CSMD1: variants seen among roughly 807,000 people sequenced by gnomAD.
The protein encoded by CSMD1 is CUB and sushi domain-containing protein 1.
CSMD1 carries 213 observed loss-of-function variants against 417.5 expected under a neutral mutation model. The ratio of observed to expected loss-of-function variants is 0.51; its 90% CI spans 0.46 to 0.57. CSMD1 has a LOEUF of 0.57. CSMD1 is among the 20% of genes least tolerant of loss of function. The probability of loss-of-function intolerance (pLI) is 0.00; values close to 1 mark genes in which losing one functional copy is unlikely to be tolerated. For synonymous variants in CSMD1, 2,862 were observed against 1,736.8 expected (o/e 1.65, Z -16.11); for missense variants, 6,923 against 4,529.7 (o/e 1.53, Z -15.17).
intron 1 of CSMD1, among the ~76,000 whole-genome samples, chr8:4,894,662 G>A (rs934796328): frequency 1.3e-5 from 2 of 151,626 alleles, no homozygotes; most frequent in African/African-American, 4.9e-5. Context: ...ATTTTAATGT[G>A]TTTCATTCTT....
chr8:4,180,582 A>C (rs1193747886), intron 3 of CSMD1, among the ~76,000 whole-genome samples: 1 of 152,064 alleles, frequency 6.6e-6, no homozygotes, highest in Non-Finnish European at 1.5e-5. Context: ...TATAATAATA[A>C]TTAAAAAAAG....
intron 5 of CSMD1, among the ~76,000 whole-genome samples, chr8:3,822,873 G>A (rs1037757437): frequency 2.0e-5 from 3 of 152,076 alleles, no homozygotes; most frequent in Admixed American, 1.3e-4. Context: ...AGAATTTAGT[G>A]TGTCTAAATG....
At chr8:2,952,108 C>A (rs1242690273) in intron 65 of CSMD1, among the ~76,000 whole-genome samples, 1 of 152,150 alleles carries the variant, frequency 6.6e-6, no homozygotes, top group Non-Finnish European at 1.5e-5. Flanking sequence ...CATTTTCACA[C>A]ATAAACGTGA....
chr8:4,296,900 G>C (rs1252477308), intron 3 of CSMD1, among the ~76,000 whole-genome samples: 1 of 152,000 alleles, frequency 6.6e-6, no homozygotes, highest in African/African-American at 2.4e-5. Flanking sequence ...TCATCTCATG[G>C]AGATTATATT....
rs548911667 is a variant in CSMD1, at chr8:4,396,541, G to A, written c.415+23412C>T. On this transcript the variant is annotated intron_variant, in intron 3 of 69. Transcript: ENST00000635120. ...ACGAAGAAGATACTTGCACAGTTAA[G>A]TTTATAGCAGCAAAATTCGCAACTG... is the stretch of plus-strand genomic sequence containing the variant. 3.3e-5 allele frequency among the ~76,000 whole-genome samples: 5 copies of A among 152,052 alleles called. No individual in the cohort carries two copies. In the East Asian group the frequency reaches 9.7e-4, roughly 30 times the overall value.
intron 3 of CSMD1, among the ~76,000 whole-genome samples, chr8:4,272,892 C>A (rs1804694218): frequency 6.6e-6 from 1 of 152,096 alleles, no homozygotes; most frequent in African/African-American, 2.4e-5. Flanking sequence ...TAAGTTGTAG[C>A]TTTAGCTTCT....
intron 3 of CSMD1, among the ~76,000 whole-genome samples, chr8:4,107,787 G>C (rs542999301): frequency 6.6e-6 from 1 of 152,318 alleles, no homozygotes; most frequent in South Asian, 2.1e-4. Context: ...ACCACCTGCT[G>C]TTAATAACTG....
chr8:4,808,821 T>A (rs528273752), intron 1 of CSMD1, among the ~76,000 whole-genome samples: 1 of 152,234 alleles, frequency 6.6e-6, no homozygotes, highest in Non-Finnish European at 1.5e-5. Context: ...AATAAAGTGA[T>A]AGTGCTTTCA....
intron 3 of CSMD1, among the ~76,000 whole-genome samples, chr8:4,339,326 C>A (rs1273364528): frequency 6.6e-6 from 1 of 152,078 alleles, no homozygotes; most frequent in East Asian, 1.9e-4. Context: ...TTTAAATTCA[C>A]AAGCTATGCT....
intron 1 of CSMD1, among the ~76,000 whole-genome samples, chr8:4,899,303 A>G (rs1436404733): frequency 6.7e-6 from 1 of 149,232 alleles, no homozygotes; most frequent in African/African-American, 2.5e-5. Context: ...TATTGATAAC[A>G]TAAATTCTTA....
At chr8:4,386,549 C>G (rs1047959846) in intron 3 of CSMD1, among the ~76,000 whole-genome samples, 21 of 152,150 alleles carry the variant, frequency 1.4e-4, no homozygotes, top group African/African-American at 5.1e-4. Flanking sequence ...TAAAGCAAGC[C>G]TAAAATAAGT....
chr8:4,035,965 G>A (rs1014906105), intron 3 of CSMD1, among the ~76,000 whole-genome samples: 1 of 152,134 alleles, frequency 6.6e-6, no homozygotes, highest in Non-Finnish European at 1.5e-5. Context: ...AGTGTCCTAT[G>A]AGAGTGTAAC....
At chr8:4,981,041 C>A (rs1810861561) in intron 1 of CSMD1, among the ~76,000 whole-genome samples, 1 of 152,108 alleles carries the variant, frequency 6.6e-6, no homozygotes, top group Non-Finnish European at 1.5e-5. Context: ...TTAGAAGAAA[C>A]CAAACAAGAT....
At chr8:3,622,723 A>C (rs1796314779) in intron 7 of CSMD1, among the ~76,000 whole-genome samples, 1 of 152,180 alleles carries the variant, frequency 6.6e-6, no homozygotes, top group South Asian at 2.1e-4. Context: ...TGTGATAAAC[A>C]GTCAGAAAAA....
intron 6 of CSMD1, among the ~76,000 whole-genome samples, chr8:3,718,639 T>C (rs1172319407): frequency 2.0e-5 from 3 of 152,190 alleles, no homozygotes; most frequent in Admixed American, 6.5e-5. Context: ...TGTGTCAAGG[T>C]AGTATGGAGG....
intron 1 of CSMD1, among the ~76,000 whole-genome samples, chr8:4,819,738 T>C (rs1002599887): frequency 6.6e-6 from 1 of 152,010 alleles, no homozygotes; most frequent in Non-Finnish European, 1.5e-5. Flanking sequence ...GAACGGAAAA[T>C]GCTCATGTAG....
intron 1 of CSMD1, among the ~76,000 whole-genome samples, chr8:4,664,547 C>G (rs1271092336): frequency 6.6e-6 from 1 of 152,068 alleles, no homozygotes; most frequent in Non-Finnish European, 1.5e-5. Context: ...GGCAATACAG[C>G]AAGAGCGTGT....
At chr8:4,335,363 G>C (rs1391202220) in intron 3 of CSMD1, among the ~76,000 whole-genome samples, 1 of 152,026 alleles carries the variant, frequency 6.6e-6, no homozygotes, top group Non-Finnish European at 1.5e-5. Flanking sequence ...CAATCTATAG[G>C]AATCTGGATA....
intron 1 of CSMD1, among the ~76,000 whole-genome samples, chr8:4,834,323 G>T (rs1222539380): frequency 6.6e-6 from 1 of 152,152 alleles, no homozygotes; most frequent in South Asian, 2.1e-4. Context: ...AGAAAAACAG[G>T]TAAGATTTAC....
Sources: gnomAD v4.1 joint callset for allele counts (sites outside exome capture counted in the v4.1 genomes callset) on GRCh38, gnomAD v4.1.1 for gene constraint, MANE v1.5 for transcripts, NCBI Gene and HGNC (gene_info 2026-07-23, HGNC 2026-07-21) for gene names.